The following AGBL1 variants were observed in gnomAD, a reference collection of about 807,000 sequenced individuals.
The protein encoded by AGBL1 is cytosolic carboxypeptidase 4.
Under a neutral mutation model 118.9 loss-of-function variants are expected in AGBL1, and 130 were observed. That is an observed-to-expected ratio of 1.09 (90% CI 0.95 to 1.26). The LOEUF (loss-of-function observed/expected upper bound fraction) is 1.26. Among genes scored for constraint, AGBL1 ranks in the 50% most tolerant of loss-of-function variants. AGBL1 has a pLI of 0.00. For synonymous variants in AGBL1, 555 were observed against 478.9 expected (o/e 1.16, Z -2.08); for missense variants, 1,584 against 1,298.1 (o/e 1.22, Z -3.38).
intron 22 of AGBL1, among the ~76,000 whole-genome samples, chr15:86,717,991 T>A (rs989316185): frequency 1.3e-5 from 2 of 152,068 alleles, no homozygotes; most frequent in Non-Finnish European, 2.9e-5. Context: ...GGTAGGAGAA[T>A]CACTTGAACC....
At chr15:86,366,028 A>T (rs1350504702) in intron 17 of AGBL1, among the ~76,000 whole-genome samples, 1 of 152,162 alleles carries the variant, frequency 6.6e-6, no homozygotes, top group Non-Finnish European at 1.5e-5. Flanking sequence ...AAGGCACCTG[A>T]TATTCCTTTA....
Position 86,911,268 on chromosome 15 carries a change from T to C in AGBL1, c.*3974T>C, listed in dbSNP as rs1351808855. The C allele has an allele frequency of 6.5e-6, 1 of 153,840 alleles. No individual in the cohort carries two copies. Among genetic ancestry groups the C allele is most frequent in the Non-Finnish European group, 1.4e-5 (1 of 69,472 alleles). 9.5% of individuals were successfully genotyped at this position (153,840 alleles called of 1,614,324 possible). On this transcript the variant is annotated 3_prime_UTR_variant, in exon 23 of 23. Transcript: ENST00000614907. ...GGGGCTGTGGGGGCCTGCAGCTTCA[T>C]GGGACAGCCTGGTAAAACTTCTCTG...
intron 22 of AGBL1, among the ~76,000 whole-genome samples, chr15:86,818,605 T>C (rs892218118): frequency 6.6e-6 from 1 of 152,008 alleles, no homozygotes. Flanking sequence ...AGAACTAATA[T>C]GGGAGCATAT....
chr15:86,390,142 G>T (rs2081254498), intron 17 of AGBL1, among the ~76,000 whole-genome samples: 1 of 152,114 alleles, frequency 6.6e-6, no homozygotes, highest in East Asian at 1.9e-4. Flanking sequence ...AGACATTAAG[G>T]CAATGCCTTA....
chr15:86,285,820 A>T (rs1496890), intron 16 of AGBL1, among the ~76,000 whole-genome samples: 56,705 of 151,986 alleles, frequency 0.37, 11,151 homozygotes, highest in African/African-American at 0.47. Context: ...CTCGTCCAAC[A>T]TTTGCTGCTT....
intron 17 of AGBL1, among the ~76,000 whole-genome samples, chr15:86,330,816 T>C (rs1374502655): frequency 1.3e-5 from 2 of 152,210 alleles, no homozygotes; most frequent in Non-Finnish European, 2.9e-5. Flanking sequence ...AATTGAAATA[T>C]TTCAAAATAC....
At chr15:86,742,810 C>G (rs1252955018) in intron 22 of AGBL1, among the ~76,000 whole-genome samples, 2 of 152,180 alleles carry the variant, frequency 1.3e-5, no homozygotes, top group Non-Finnish European at 2.9e-5. Context: ...GCTGCTCTCT[C>G]TGCTTTGGTC....
intron 18 of AGBL1, among the ~76,000 whole-genome samples, chr15:86,408,689 G>A (rs568249110): frequency 1.3e-5 from 2 of 152,296 alleles, no homozygotes; most frequent in South Asian, 2.1e-4. Flanking sequence ...TGAGTGTTTG[G>A]ATGAAAATGT....
chr15:86,916,823 G>T (rs1455793851), downstream of AGBL1, among the ~76,000 whole-genome samples: 1 of 152,182 alleles, frequency 6.6e-6, no homozygotes, highest in African/African-American at 2.4e-5. Flanking sequence ...GCAGCGTGAG[G>T]TGGCTCACAC....
chr15:86,876,201 G>T (rs1231459053), intron 22 of AGBL1, among the ~76,000 whole-genome samples: 1 of 152,166 alleles, frequency 6.6e-6, no homozygotes, highest in Non-Finnish European at 1.5e-5. Flanking sequence ...AGCCCAGGAG[G>T]CCCTTCTAAG....
intron 4 of AGBL1, among the ~76,000 whole-genome samples, chr15:86,155,372 C>T (rs150794457): frequency 1.3e-3 from 205 of 152,198 alleles, no homozygotes; most frequent in Non-Finnish European, 2.5e-3. Context: ...ATCACTTGAG[C>T]CCAGGAAGTC....
Position 86,827,610 on chromosome 15 carries a change from T to G in AGBL1, c.3159-79477T>G, listed in dbSNP as rs186521028. ...AGCCAGCCATGTTGATTATCTGATG[T>G]GTAGAGCAATGGCTGTTACAGTGAG... On this transcript the variant is annotated intron_variant, in intron 22 of 22. Transcript: ENST00000614907. Among the ~76,000 whole-genome samples the G allele has an allele frequency of 5.8e-4, 81 of 140,624 alleles. 1 individual carries two copies. Among genetic ancestry groups the G allele is most frequent in the African/African-American group, 2.0e-3 (78 of 38,522 alleles). The allele number at this position is 140,624 out of a possible 152,430, so 92.3% of individuals were successfully genotyped here.
intron 24 of AGBL1, among the ~76,000 whole-genome samples, chr15:87,025,501 G>A (rs1172387563): frequency 6.6e-6 from 1 of 152,006 alleles, no homozygotes; most frequent in Non-Finnish European, 1.5e-5. Context: ...AATCATAGAT[G>A]ACACAAACAA....
At chr15:86,459,573 A>T (rs1186806892) in intron 18 of AGBL1, among the ~76,000 whole-genome samples, 1 of 151,964 alleles carries the variant, frequency 6.6e-6, no homozygotes, top group African/African-American at 2.4e-5. Flanking sequence ...GCTCTTATAA[A>T]TTTTTTCCCA....
Position 86,143,682 on chromosome 15 carries a change from C to T in AGBL1, c.116-17C>T. On this transcript the variant is annotated splice_polypyrimidine_tract_variant and intron_variant, in intron 2 of 22. Transcript: ENST00000614907. ...GATTATTACTTGTGGCTCATCTTTCCTCCGGTTTCCCCTCAGGCACAGACC... is the reference window on the plus strand; with the variant it reads ...GATTATTACTTGTGGCTCATCTTTCTTCCGGTTTCCCCTCAGGCACAGACC... 1 of 1,611,874 alleles carries T rather than the reference C, an allele frequency of 6.2e-7. No homozygotes were observed. The highest frequency in any genetic ancestry group is 8.5e-7 in the Non-Finnish European group (1 of 1,178,754).
chr15:86,275,553 G>A (rs1028479267), intron 15 of AGBL1, among the ~76,000 whole-genome samples: 1 of 152,184 alleles, frequency 6.6e-6, no homozygotes, highest in African/African-American at 2.4e-5. Context: ...TGACTTTCCA[G>A]CATATTTTTA....
chr15:86,714,090 T>A (rs2086602063), intron 22 of AGBL1, among the ~76,000 whole-genome samples: 1 of 152,090 alleles, frequency 6.6e-6, no homozygotes, highest in Non-Finnish European at 1.5e-5. Context: ...GGCATAGGAG[T>A]TATAAATATA....
chr15:86,262,931 C>G, intron 10 of AGBL1, 37 bp downstream of exon 10: 6 of 1,482,916 alleles, frequency 4.0e-6, no homozygotes, highest in Non-Finnish European at 5.6e-6. Context: ...TTTGACGATG[C>G]ATGATGGGTT....
intron 24 of AGBL1, among the ~76,000 whole-genome samples, chr15:87,023,690 A>G (rs528122470): frequency 1.3e-5 from 2 of 152,154 alleles, no homozygotes; most frequent in East Asian, 3.9e-4. Context: ...ACATTGTATT[A>G]AACAGCACAT....
Sources: gnomAD v4.1 joint callset for allele counts (sites outside exome capture counted in the v4.1 genomes callset) on GRCh38, gnomAD v4.1.1 for gene constraint, MANE v1.5 for transcripts, NCBI Gene and HGNC (gene_info 2026-07-23, HGNC 2026-07-21) for gene names.